ZDHHC15: variants seen among roughly 807,000 people sequenced by gnomAD.
The protein encoded by ZDHHC15 is zDHHC palmitoyltransferase 15, also known as palmitoyltransferase ZDHHC15.
In ZDHHC15, 19 loss-of-function variants were observed where a neutral mutation model predicts 31.7. The ratio of observed to expected loss-of-function variants is 0.60; its 90% CI spans 0.42 to 0.88. ZDHHC15 has a LOEUF of 0.88. Ranked by LOEUF, ZDHHC15 falls within the 40% of genes least tolerant of loss-of-function variation. The pLI is 0.00. For missense variants in ZDHHC15, 209 were observed against 251.2 expected, an observed-to-expected ratio of 0.83 and a Z score of 1.14; for synonymous variants, 103 against 90.0, an observed-to-expected ratio of 1.14 and a Z score of -0.82.
rs745335984 is a variant in ZDHHC15, at chrX:75,441,621, C to CTT, written c.379+9179_379+9180dup. Among the ~76,000 whole-genome samples the CTT allele has an allele frequency of 7.6e-3, 698 of 92,256 alleles. 11 individuals carry two copies. The highest frequency in any genetic ancestry group is 0.027 in the African/African-American group (671 of 25,106). 80.1% of individuals were successfully genotyped at this position (92,256 alleles called of 115,157 possible). A position where few individuals can be genotyped will look rare whatever the true frequency, so the allele number is the denominator to read the frequency against. On this transcript the variant is annotated intron_variant, in intron 4 of 11. Transcript: ENST00000373367. ...TTCCTGGTATGTTCCTGTGGTAGTT[C>CTT]TTTTTTTTTTTTTTTTTCCTGAGAC...
chrX:75,407,161 G>C (rs1194749119), intron 10 of ZDHHC15, among the ~76,000 whole-genome samples: 2 of 111,378 alleles, frequency 1.8e-5, no homozygotes, highest in Non-Finnish European at 1.9e-5. Flanking sequence ...GAGATGTGGG[G>C]AGTGCCTCTG....
chrX:75,442,170 G>T (rs2083951508), intron 4 of ZDHHC15, among the ~76,000 whole-genome samples: 1 of 112,023 alleles, frequency 8.9e-6, no homozygotes, highest in South Asian at 3.7e-4. Context: ...TGAATCAGTA[G>T]ACTGAGTAAA....
chrX:75,504,926 T>C (rs1030306391), intron 2 of ZDHHC15, among the ~76,000 whole-genome samples: 1 of 111,226 alleles, frequency 9.0e-6, no homozygotes, highest in Non-Finnish European at 1.9e-5. Flanking sequence ...ATCTTGACAC[T>C]TCTATGTAAC....
chrX:75,426,110 GT>G (rs1177101757), intron 7 of ZDHHC15, among the ~76,000 whole-genome samples: 2 of 112,106 alleles, frequency 1.8e-5, no homozygotes, highest in African/African-American at 6.5e-5. Flanking sequence ...AATTAGATTG[GT>G]TTTTGTTTTA....
chrX:75,431,551 T>A, intron 4 of ZDHHC15, 31 bp from the exon 5 acceptor site: 3 of 1,156,086 alleles, frequency 2.6e-6, no homozygotes, highest in Non-Finnish European at 3.5e-6. Flanking sequence ...TGGTTAGCAC[T>A]TGTTAGGGCT....
intron 2 of ZDHHC15, among the ~76,000 whole-genome samples, chrX:75,491,371 C>G (rs1321473907): frequency 1.9e-5 from 2 of 104,905 alleles, no homozygotes; most frequent in Non-Finnish European, 3.9e-5. Context: ...TAAACTATCG[C>G]AAGAACAAAA....
intron 1 of ZDHHC15, among the ~76,000 whole-genome samples, chrX:75,509,457 T>G (rs774468892): frequency 5.3e-5 from 6 of 112,243 alleles, no homozygotes; most frequent in African/African-American, 1.6e-4. Flanking sequence ...GCTACAGAAT[T>G]AGTGGAGTTC....
Position 75,482,632 on chromosome X carries a change from T to C in ZDHHC15, c.164-3647A>G, listed in dbSNP as rs1169177575. Among the ~76,000 whole-genome samples the C allele has an allele frequency of 3.6e-5, 4 of 111,883 alleles. 1 individual carries two copies. In the Admixed American group the frequency reaches 3.8e-4, roughly 11 times the overall value. On this transcript the variant is annotated intron_variant, in intron 2 of 11. Coordinates refer to ENST00000373367, the MANE Select transcript of ZDHHC15 (RefSeq NM_144969.3). ...AGTCTCATAAGTTTGCCAGCCACTA[T>C]GCAAAGCAGGGCTTCATATTAGTTG...
chrX:75,447,944 T>C (rs1445410264), intron 4 of ZDHHC15, among the ~76,000 whole-genome samples: 4 of 111,283 alleles, frequency 3.6e-5, no homozygotes, highest in Non-Finnish European at 7.5e-5. Context: ...AAATTAGACT[T>C]AATAGTCCAA....
At chrX:75,424,509 G>A (rs1244512820) in intron 8 of ZDHHC15, 143 bp downstream of exon 8, 6 of 598,529 alleles carry the variant, frequency 1.0e-5, no homozygotes. Flanking sequence ...TCGGTAAAAT[G>A]TATTTTCATC....
intron 4 of ZDHHC15, among the ~76,000 whole-genome samples, chrX:75,443,043 G>C (rs1205558909): frequency 4.6e-5 from 5 of 109,449 alleles, no homozygotes; most frequent in African/African-American, 1.7e-4. Flanking sequence ...ACTGCCCAAG[G>C]TAATTTATAG....
chrX:75,402,571 C>T (rs2083369223), intron 10 of ZDHHC15, among the ~76,000 whole-genome samples: 1 of 111,143 alleles, frequency 9.0e-6, no homozygotes, highest in Admixed American at 9.6e-5. Flanking sequence ...TTACTACTGT[C>T]CCCACAGAAG....
In ZDHHC15 at chrX:75,484,761, T is replaced by C. The variant is rs755934204; in HGVS notation, c.164-5776A>G. ...AAACATATATCTCCACAAAGGCTTA[T>C]ACATATATATTCTTATCAGCTTTAT... On this transcript the variant is annotated intron_variant, in intron 2 of 11. Transcript: ENST00000373367. Among the ~76,000 whole-genome samples, 5 of 112,134 alleles carry C rather than the reference T, an allele frequency of 4.5e-5. No individual in the cohort carries two copies. The South Asian group carries it at 1.1e-3, about 25-fold the overall frequency.
intron 8 of ZDHHC15, among the ~76,000 whole-genome samples, chrX:75,423,208 A>G (rs2083670935): frequency 1.9e-5 from 2 of 107,977 alleles, no homozygotes; most frequent in Non-Finnish European, 3.8e-5. Context: ...AAAATATTTT[A>G]ACTATTATTT....
intron 2 of ZDHHC15, among the ~76,000 whole-genome samples, chrX:75,493,665 G>C (rs1270273823): frequency 1.8e-5 from 2 of 111,902 alleles, no homozygotes. Context: ...CATATAAACA[G>C]AACCAACGAC....
intron 1 of ZDHHC15, among the ~76,000 whole-genome samples, chrX:75,510,520 CTT>C (rs1210219668): frequency 9.1e-5 from 6 of 65,741 alleles, no homozygotes; most frequent in African/African-American, 2.9e-4. Context: ...TTTCTTCTCT[CTT>C]CGGAAAATTT....
At chrX:75,413,543 T>C (rs1182355134) in intron 10 of ZDHHC15, among the ~76,000 whole-genome samples, 2 of 110,772 alleles carry the variant, frequency 1.8e-5, no homozygotes, top group Non-Finnish European at 3.8e-5. Context: ...CGCATGCCTA[T>C]AGTCTCAGCT....
At chrX:75,475,993 T>C (rs1252237574) in intron 3 of ZDHHC15, among the ~76,000 whole-genome samples, 23 of 111,533 alleles carry the variant, frequency 2.1e-4, no homozygotes, top group Non-Finnish European at 4.0e-4. Context: ...AAATTGCTTT[T>C]TTAGTTTCCT....
At chrX:75,475,323 T>A (rs2084585858) in intron 3 of ZDHHC15, among the ~76,000 whole-genome samples, 1 of 25,433 alleles carries the variant, frequency 3.9e-5, no homozygotes, top group African/African-American at 4.9e-5. Context: ...TATTCCTCTG[T>A]GGATTTTTTT....
Sources: allele counts gnomAD v4.1 joint callset (sites outside exome capture counted in the v4.1 genomes callset), GRCh38; gene constraint gnomAD v4.1.1; transcripts MANE v1.5; gene names NCBI Gene and HGNC (gene_info 2026-07-23, HGNC 2026-07-21).